ANKRD28: variants seen among roughly 807,000 people sequenced by gnomAD.
ANKRD28 encodes serine/threonine-protein phosphatase 6 regulatory ankyrin repeat subunit A.
Under a neutral mutation model 126.5 loss-of-function variants are expected in ANKRD28, and 44 were observed. That is an observed-to-expected ratio of 0.35 (90% CI 0.27 to 0.45). ANKRD28 has a LOEUF of 0.45. Among genes scored for constraint, ANKRD28 ranks in the 20% least tolerant of loss-of-function variants. The pLI, the probability that ANKRD28 is intolerant of heterozygous loss-of-function variation, is 1.00. For synonymous variants in ANKRD28, 442 were observed against 468.5 expected, an observed-to-expected ratio of 0.94 and a Z score of 0.73; for missense variants, 1,110 against 1,316.6, an observed-to-expected ratio of 0.84 and a Z score of 2.43.
At chr3:15,856,383 T>C (rs1462453072) in intron 1 of ANKRD28, among the ~76,000 whole-genome samples, 1 of 152,188 alleles carries the variant, frequency 6.6e-6, no homozygotes, top group African/African-American at 2.4e-5. Context: ...CCCTAAACAA[T>C]GATCTTCTAC....
At chr3:15,706,682 T>C (rs1273989381) in intron 14 of ANKRD28, among the ~76,000 whole-genome samples, 1 of 152,214 alleles carries the variant, frequency 6.6e-6, no homozygotes, top group Non-Finnish European at 1.5e-5. Flanking sequence ...TCCACAATGG[T>C]TGAACTAGTT....
chr3:15,711,221 C>T lies in ANKRD28; in HGVS notation c.1327G>A (p.Ala443Thr). ...ATACTATTAACATACCCTCCAGCTG[C>T]AGCTGCATGTAGACAAGTCCTGCCA... ...DFGRTCLHAA[A>T]AGGNLECLNL... Residue 443 changes from alanine (A) to threonine (T), a missense_variant, in exon 12 of 28, where the codon GCA becomes ACA. Physicochemically the swap from Ala to Thr is moderately conservative, Grantham distance 58. Coordinates refer to ENST00000683139, the MANE Select transcript of ANKRD28 (RefSeq NM_001349278.2). 6.2e-7 allele frequency: 1 copy of T among 1,612,140 alleles called. No homozygotes were observed. Among genetic ancestry groups the T allele is most frequent in the Non-Finnish European group, 8.5e-7 (1 of 1,178,746 alleles).
At position 15,833,577 on chromosome 3, in the gene ANKRD28, C is replaced by A. The variant is rs2061254499; in HGVS notation, c.27+25800G>T. 6.7e-6 allele frequency among the ~76,000 whole-genome samples: 1 copy of A among 149,750 alleles called. No individual in the cohort carries two copies. Among genetic ancestry groups the A allele is most frequent in the African/African-American group, 2.4e-5 (1 of 40,850 alleles). On this transcript the variant is annotated intron_variant, in intron 1 of 27. Coordinates refer to the ANKRD28 transcript ENST00000399451. The surrounding 1 kb of genome is among the most constrained non-coding windows in gnomAD (Gnocchi z 4.4). The stretch of plus-strand genomic sequence containing the variant: ...ATAATGTGTGTGTGTATATATATAT[C>A]TCCTATTAGTTCTGTCCCTCTAGAG...
At chr3:15,734,940 T>C (rs2074918802) in intron 6 of ANKRD28, among the ~76,000 whole-genome samples, 1 of 152,164 alleles carries the variant, frequency 6.6e-6, no homozygotes. Flanking sequence ...AACATATATA[T>C]TATGTTACAG....
At chr3:15,738,167 A>T (rs1261343390) in intron 4 of ANKRD28, among the ~76,000 whole-genome samples, 1 of 152,198 alleles carries the variant, frequency 6.6e-6, no homozygotes, top group East Asian at 1.9e-4. Flanking sequence ...ATTATCGGGG[A>T]ACCTGCCCCC....
chr3:15,691,828 A>C (rs1182164552), intron 17 of ANKRD28, among the ~76,000 whole-genome samples: 1 of 152,176 alleles, frequency 6.6e-6, no homozygotes, highest in Non-Finnish European at 1.5e-5. Context: ...TATAAAAGAC[A>C]ATATAAAAAG....
rs1575784762 is a variant in ANKRD28, at chr3:15,830,312, C to A, written c.27+29065G>T. ...TATGAGAAGTCTCTTAGACCAGGGT[C>A]CCTAACCCCTGGACTGAGGACTGCT... On this transcript the variant is annotated intron_variant, in intron 1 of 27. Transcript: ENST00000399451. The surrounding 1 kb of genome is among the most constrained non-coding windows in gnomAD (Gnocchi z 4.5). 9.2e-5 allele frequency among the ~76,000 whole-genome samples: 14 copies of A among 152,282 alleles called. No individual in the cohort carries two copies. In the South Asian group the frequency reaches 2.9e-3, roughly 32 times the overall value.
chr3:15,736,220 G>A (rs1431574452), intron 5 of ANKRD28, among the ~76,000 whole-genome samples: 1 of 152,110 alleles, frequency 6.6e-6, no homozygotes, highest in African/African-American at 2.4e-5. Context: ...CATGTAACTT[G>A]TATTAAAATT....
chr3:15,703,450 T>C (rs2070911114), intron 14 of ANKRD28, among the ~76,000 whole-genome samples: 2 of 152,206 alleles, frequency 1.3e-5, no homozygotes, highest in African/African-American at 4.8e-5. Context: ...GGCAGAGCCC[T>C]CCCTCATGAA....
intron 8 of ANKRD28, among the ~76,000 whole-genome samples, chr3:15,716,234 G>A (rs1040400876): frequency 8.6e-5 from 13 of 150,592 alleles, no homozygotes; most frequent in African/African-American, 2.9e-4. Context: ...CACCCGCCTC[G>A]GCCTCCCAAA....
chr3:15,771,950 A>G (rs1367210659), intron 2 of ANKRD28, among the ~76,000 whole-genome samples: 1 of 152,262 alleles, frequency 6.6e-6, no homozygotes, highest in Non-Finnish European at 1.5e-5. Context: ...TCAGTAGTAA[A>G]GTAGAATAAA....
chr3:15,818,858 A>T (rs1306714502), intron 1 of ANKRD28, among the ~76,000 whole-genome samples: 1 of 152,204 alleles, frequency 6.6e-6, no homozygotes, highest in Non-Finnish European at 1.5e-5. Context: ...ATCACAGTCA[A>T]AATCTCAGTG....
At chr3:15,776,784 G>C (rs1012886219) in intron 2 of ANKRD28, among the ~76,000 whole-genome samples, 2 of 152,112 alleles carry the variant, frequency 1.3e-5, no homozygotes, top group East Asian at 3.9e-4. Context: ...AAGTTAAAAG[G>C]AGGAGGAAAA....
At chr3:15,752,118 AC>A (rs2057896185) in intron 3 of ANKRD28, among the ~76,000 whole-genome samples, 6 of 152,178 alleles carry the variant, frequency 3.9e-5, no homozygotes, top group Admixed American at 3.9e-4. Flanking sequence ...TAGAAATCAG[AC>A]CCCATTTTAG....
chr3:15,756,560 G>T, intron 3 of ANKRD28: 1 of 968,394 alleles, frequency 1.0e-6, no homozygotes. Flanking sequence ...TCATGGGTTA[G>T]TGGAAGGAAC....
At chr3:15,729,445 T>C (rs2074416844) in intron 6 of ANKRD28, among the ~76,000 whole-genome samples, 1 of 152,234 alleles carries the variant, frequency 6.6e-6, no homozygotes. Flanking sequence ...CCTTGTGATG[T>C]TTCGTAAACG....
At chr3:15,820,674 T>C (rs1305845251) in intron 1 of ANKRD28, among the ~76,000 whole-genome samples, 1 of 152,146 alleles carries the variant, frequency 6.6e-6, no homozygotes, top group Non-Finnish European at 1.5e-5. Context: ...CATTGAGGAA[T>C]GGTAAAATTG....
intron 2 of ANKRD28, among the ~76,000 whole-genome samples, chr3:15,790,571 T>C (rs1203034464): frequency 6.6e-6 from 1 of 152,004 alleles, no homozygotes; most frequent in African/African-American, 2.4e-5. Flanking sequence ...TGAAAAAACA[T>C]TTGATTAAAA....
intron 14 of ANKRD28, among the ~76,000 whole-genome samples, chr3:15,702,250 G>C (rs970805071): frequency 2.0e-5 from 3 of 152,186 alleles, no homozygotes; most frequent in Non-Finnish European, 4.4e-5. Flanking sequence ...CAAAGCTTTA[G>C]AACAGTGGTT....
Sources: gnomAD v4.1 joint callset for allele counts (sites outside exome capture counted in the v4.1 genomes callset) on GRCh38, gnomAD v4.1.1 for gene constraint, Gnocchi (gnomAD v3.1) non-coding constraint, MANE v1.5 for transcripts, NCBI Gene and HGNC (gene_info 2026-07-23, HGNC 2026-07-21) for gene names.